GTF3C1: variants seen among roughly 807,000 people sequenced by gnomAD.
GTF3C1 encodes general transcription factor IIIC subunit 1.
GTF3C1 carries 57 observed loss-of-function variants against 226.7 expected under a neutral mutation model. The ratio of observed to expected loss-of-function variants is 0.25; its 90% CI spans 0.20 to 0.31. The LOEUF (loss-of-function observed/expected upper bound fraction) is 0.31. Among genes scored for constraint, GTF3C1 ranks in the 10% least tolerant of loss-of-function variants. The pLI is 1.00. For synonymous variants in GTF3C1, 1,090 were observed against 1,084.8 expected (o/e 1.00, Z -0.09); for missense variants, 2,217 against 2,776.1 (o/e 0.80, Z 4.53).
chr16:27,541,902 A>C (rs567048201), intron 2 of GTF3C1, among the ~76,000 whole-genome samples: 17 of 152,168 alleles, frequency 1.1e-4, no homozygotes, highest in Admixed American at 3.9e-4. Flanking sequence ...GTACATGGCC[A>C]GCTGAGGGTA....
chr16:27,522,601 T>C (rs2088766168), intron 6 of GTF3C1, among the ~76,000 whole-genome samples: 3 of 152,248 alleles, frequency 2.0e-5, no homozygotes, highest in African/African-American at 7.2e-5. Context: ...TTGCATTCCC[T>C]GTGAATTTTA....
intron 29 of GTF3C1, among the ~76,000 whole-genome samples, chr16:27,473,805 T>C (rs1288265048): frequency 1.3e-5 from 2 of 152,168 alleles, no homozygotes; most frequent in Non-Finnish European, 1.5e-5. Flanking sequence ...TCAGACCTTA[T>C]GGGGGAACAC....
At chr16:27,476,319 G>A in intron 29 of GTF3C1, 132 bp downstream of exon 29, 1 of 597,450 alleles carries the variant, frequency 1.7e-6, no homozygotes, top group Middle Eastern at 3.5e-4. Context: ...AAAGTTGAAA[G>A]ACATGTGGGC....
In GTF3C1 at chr16:27,483,031, A is replaced by G; in HGVS notation, c.4083+13T>C. 1 of 1,612,688 alleles carries G rather than the reference A, an allele frequency of 6.2e-7. No individual in the cohort carries two copies. Among genetic ancestry groups the G allele is most frequent in the Non-Finnish European group, 8.5e-7 (1 of 1,178,754 alleles). On this transcript the variant is annotated intron_variant, in intron 26 of 36. Transcript: ENST00000356183. ...CCCAAGCATACCAAGCCCTACACTC[A>G]CACAGGACCTACCTTTGGGTCATCA...
rs116242654 is a variant in GTF3C1, at chr16:27,485,664, G to A, written c.3858+333C>T. Among the ~76,000 whole-genome samples, 459 of 152,280 alleles carry A rather than the reference G, an allele frequency of 3.0e-3. 3 individuals carry two copies. Among genetic ancestry groups the A allele is most frequent in the African/African-American group, 0.011 (442 of 41,544 alleles). The stretch of plus-strand genomic sequence containing the variant: ...CAGCTGAAAGCTAAAAAGAAATGTA[G>A]AAAAACAGAATGGTATTAATTTGTA... On this transcript the variant is annotated intron_variant, in intron 24 of 36. Transcript: ENST00000356183.
intron 5 of GTF3C1, among the ~76,000 whole-genome samples, chr16:27,531,765 A>C (rs1369932569): frequency 6.6e-6 from 1 of 152,106 alleles, no homozygotes; most frequent in Non-Finnish European, 1.5e-5. Flanking sequence ...AGAGGGTTTC[A>C]ATCTCCAGAG....
chr16:27,507,150 T>G lies in GTF3C1; in HGVS notation c.1249A>C (p.Met417Leu). The G allele has an allele frequency of 6.2e-7, 1 of 1,604,902 alleles. No homozygotes were observed. Among genetic ancestry groups the G allele is most frequent in the Non-Finnish European group, 8.5e-7 (1 of 1,174,458 alleles). Residue 417 changes from methionine to leucine, a missense_variant, in exon 9 of 37, where the codon ATG (methionine) becomes CTG (leucine). This residue lies in a region of GTF3C1 where 25 missense variants were observed against 71.9 expected (regional missense o/e 0.35). Transcript: ENST00000356183. This position sits in a 1 kb window ranked among gnomAD's most constrained non-coding sequence, Gnocchi z 4.9. ...GTTCGCTGCCGACCTTCGTCTTCCA[T>G]GAATCCCTAGAGGGAATAAGATGTG... Reference protein sequence around the residue: ...LQRFKVVKGFMEDEGRQRTTK... With the variant: ...LQRFKVVKGFLEDEGRQRTTK...
rs748380427 is a variant in GTF3C1 at position 27,462,397 on chromosome 16, G to C, written c.6014C>G (p.Ala2005Gly). ...NLPVCKGMMEAMLYHIMTRPG... is the reference protein window; with the variant it reads ...NLPVCKGMMEGMLYHIMTRPG... ...CCTGGTCATGATGTGGTACAGCATG[G>C]CCTCCATCATACCCTTGCATACAGG... The change falls in exon 36 of 37, where the codon GCC becomes GGC. Residue 2005 changes from alanine to glycine, a missense_variant. By Grantham distance (60) the Ala-to-Gly change is moderately conservative. Transcript: ENST00000356183. This position sits in a 1 kb window ranked among gnomAD's most constrained non-coding sequence, Gnocchi z 4.5. The C allele has an allele frequency of 4.4e-6, 7 of 1,608,272 alleles. No individual in the cohort carries two copies. The Admixed American group carries it at 1.2e-4, about 27-fold the overall frequency.
chr16:27,482,770 G>A (rs1344331327), intron 26 of GTF3C1, among the ~76,000 whole-genome samples: 1 of 152,224 alleles, frequency 6.6e-6, no homozygotes, highest in African/African-American at 2.4e-5. Flanking sequence ...AATTTCTGAA[G>A]AAATGTTCTA....
intron 32 of GTF3C1, among the ~76,000 whole-genome samples, chr16:27,467,424 G>A (rs1357956741): frequency 1.3e-5 from 2 of 152,168 alleles, no homozygotes; most frequent in Admixed American, 1.3e-4. Flanking sequence ...TCCTTTCAAT[G>A]GTATGCTGAT....
chr16:27,510,620 G>C (rs912575040), intron 7 of GTF3C1, among the ~76,000 whole-genome samples: 1 of 152,196 alleles, frequency 6.6e-6, no homozygotes, highest in Non-Finnish European at 1.5e-5. Context: ...CCCATTCTGA[G>C]GGACGTCAAG....
At chr16:27,526,272 C>T (rs1445158895) in intron 6 of GTF3C1, among the ~76,000 whole-genome samples, 1 of 152,164 alleles carries the variant, frequency 6.6e-6, no homozygotes, top group African/African-American at 2.4e-5. Flanking sequence ...GGAGGATGCA[C>T]ATCAAACGAC....
chr16:27,549,621 CGGGCCCT>C (rs1310292283), intron 1 of GTF3C1, 42 bp downstream of exon 1: 2 of 838,404 alleles, frequency 2.4e-6, no homozygotes, highest in East Asian at 5.3e-5. Flanking sequence ...CATCAGCCCC[CGGGCCCT>C]GCGCCCGCCC....
intron 26 of GTF3C1, 131 bp from the exon 27 acceptor site, chr16:27,481,322 T>G: frequency 9.8e-6 from 7 of 714,502 alleles, no homozygotes; most frequent in African/African-American, 1.8e-5. Flanking sequence ...ACCAGGTGCC[T>G]CCCCTGGTCA....
At chr16:27,533,062 G>A (rs1196410380) in intron 5 of GTF3C1, among the ~76,000 whole-genome samples, 1 of 152,134 alleles carries the variant, frequency 6.6e-6, no homozygotes, top group Non-Finnish European at 1.5e-5. Context: ...AACCTGGGAG[G>A]CGAAGGCCGA....
chr16:27,478,440 G>A, intron 28 of GTF3C1, 29 bp downstream of exon 28: 1 of 1,445,884 alleles, frequency 6.9e-7, no homozygotes, highest in Non-Finnish European at 9.7e-7. Context: ...AGCAGCTGAG[G>A]AAAAGCTACT....
chr16:27,522,844 A>C (rs1444746462), intron 6 of GTF3C1, among the ~76,000 whole-genome samples: 1 of 152,212 alleles, frequency 6.6e-6, no homozygotes, highest in Non-Finnish European at 1.5e-5. Context: ...AGTTATTGTG[A>C]ACAAAATTGT....
rs570167283 is a variant in GTF3C1, at chr16:27,478,590, G to A, written c.4197-59C>T. The A allele has an allele frequency of 3.2e-5, 37 of 1,170,592 alleles. 1 individual carries two copies. Among genetic ancestry groups the A allele is most frequent in the East Asian group, 2.6e-4 (11 of 42,960 alleles). The allele number at this position is 1,170,592 out of a possible 1,614,324, so 72.5% of individuals were successfully genotyped here. A position where few individuals can be genotyped will look rare whatever the true frequency, so the allele number is the denominator to read the frequency against. On this transcript the variant is annotated intron_variant, in intron 27 of 36. Transcript: ENST00000356183. ...CAAAACAGCTCCTCACTAAGCAAGC[G>A]GATGCTGGCTCAAGATGGCCATTTA... is the stretch of plus-strand genomic sequence containing the variant.
At chr16:27,510,533 G>A (rs1453942251) in intron 7 of GTF3C1, among the ~76,000 whole-genome samples, 3 of 152,124 alleles carry the variant, frequency 2.0e-5, no homozygotes, top group African/African-American at 7.2e-5. Flanking sequence ...CAGCCTGGGC[G>A]ACACAGTCAA....
Sources: allele counts gnomAD v4.1 joint callset (sites outside exome capture counted in the v4.1 genomes callset), GRCh38; gene constraint gnomAD v4.1.1; regional missense constraint gnomAD v4.1.1; non-coding constraint Gnocchi (gnomAD v3.1); transcripts MANE v1.5; gene names NCBI Gene and HGNC (gene_info 2026-07-23, HGNC 2026-07-21).